The following VPS13D variants were observed in gnomAD, a reference collection of about 807,000 sequenced individuals.
VPS13D encodes intermembrane lipid transfer protein VPS13D.
VPS13D carries 187 observed loss-of-function variants against 461.9 expected under a neutral mutation model. The ratio of observed to expected loss-of-function variants is 0.40; its 90% CI spans 0.36 to 0.46. The LOEUF (loss-of-function observed/expected upper bound fraction) is 0.46. Ranked by LOEUF, VPS13D falls within the 20% of genes least tolerant of loss-of-function variation. The pLI is 0.60. For missense variants in VPS13D, 4,711 were observed against 5,364.9 expected, an observed-to-expected ratio of 0.88 and a Z score of 3.81; for synonymous variants, 1,951 against 1,986.3, an observed-to-expected ratio of 0.98 and a Z score of 0.47.
At chr1:12,271,971 C>T (rs1233245170) in intron 17 of VPS13D, among the ~76,000 whole-genome samples, 1 of 151,544 alleles carries the variant, frequency 6.6e-6, no homozygotes, top group African/African-American at 2.4e-5. Flanking sequence ...GTGGGATGAT[C>T]GTTTGAGCTC....
At chr1:12,243,765 A>C (rs1458759234) in intron 3 of VPS13D, among the ~76,000 whole-genome samples, 5 of 152,004 alleles carry the variant, frequency 3.3e-5, no homozygotes, top group African/African-American at 1.2e-4. Flanking sequence ...TTCTTTATTG[A>C]GAGAAGGCCA....
chr1:12,307,483 T>C (rs968385829), intron 26 of VPS13D, among the ~76,000 whole-genome samples: 1 of 151,998 alleles, frequency 6.6e-6, no homozygotes, highest in Admixed American at 6.6e-5. Flanking sequence ...TGGGGGAGTT[T>C]TACAGAAATA....
chr1:12,343,298 C>T (rs1643610458), intron 42 of VPS13D, among the ~76,000 whole-genome samples: 1 of 151,960 alleles, frequency 6.6e-6, no homozygotes, highest in Admixed American at 6.6e-5. Flanking sequence ...CTTCAGCCTC[C>T]TGAGTAGCTG....
In VPS13D at chr1:12,262,895, G is replaced by A. The variant is rs561444715; in HGVS notation, c.1594+815G>A. Among the ~76,000 whole-genome samples, 2 of 152,014 alleles carry A rather than the reference G, an allele frequency of 1.3e-5. 1 individual carries two copies. Among genetic ancestry groups the A allele is most frequent in the African/African-American group, 4.8e-5 (2 of 41,442 alleles). The stretch of plus-strand genomic sequence containing the variant: ...ATTTTTGTATTTTTAGTGGAGACAA[G>A]GTATCGCTACGTTGGCCAGGCTGGT... On this transcript the variant is annotated intron_variant, in intron 13 of 69. Coordinates refer to ENST00000620676, the MANE Select transcript of VPS13D (RefSeq NM_015378.4).
intron 67 of VPS13D, among the ~76,000 whole-genome samples, chr1:12,486,206 C>T (rs1312700048): frequency 6.6e-6 from 1 of 152,208 alleles, no homozygotes; most frequent in African/African-American, 2.4e-5. Flanking sequence ...AGAGGTGGCC[C>T]TGGCTTCTGA....
At position 12,356,469 on chromosome 1, in the gene VPS13D, G is replaced by T; in HGVS notation, c.9943G>T (p.Ala3315Ser). Reference protein sequence around the residue: ...AAGQFEEHELARSLSPLLFCY... With the variant: ...AAGQFEEHELSRSLSPLLFCY... ...AGGCCAGTTTGAGGAGCATGAGCTG[G>T]CCCGTAGCCTGAGTCCTCTCTTATT... The change falls in exon 49 of 70, where the codon GCC becomes TCC. Residue 3315 changes from alanine to serine, a missense_variant. Physicochemically the swap from Ala to Ser is moderately conservative, Grantham distance 99. Around this residue, in one of 3 missense-constraint regions of VPS13D, gnomAD observed 4,411 missense variants for 4,937.8 expected, o/e 0.89. Transcript: ENST00000620676. 1 of 1,614,110 alleles carries T rather than the reference G, an allele frequency of 6.2e-7. No individual in the cohort carries two copies. The highest frequency in any genetic ancestry group is 8.5e-7 in the Non-Finnish European group (1 of 1,180,020).
chr1:12,401,035 A>G (rs950216724), intron 61 of VPS13D, among the ~76,000 whole-genome samples: 4 of 151,300 alleles, frequency 2.6e-5, no homozygotes, highest in African/African-American at 4.9e-5. Context: ...AAGGGCTATG[A>G]TGGGTCTGAC....
At chr1:12,497,729 C>G (rs1645979775) in intron 68 of VPS13D, 98 bp downstream of exon 68, 1 of 1,408,778 alleles carries the variant, frequency 7.1e-7, no homozygotes, top group Admixed American at 2.4e-5. Flanking sequence ...ATTTTCATGA[C>G]TCTTGGACCT....
chr1:12,377,072 T>G (rs1419394905), intron 55 of VPS13D, among the ~76,000 whole-genome samples: 1 of 151,982 alleles, frequency 6.6e-6, no homozygotes, highest in South Asian at 2.1e-4. Flanking sequence ...TCTTTTTTTT[T>G]TTTTGAGACG....
intron 25 of VPS13D, among the ~76,000 whole-genome samples, chr1:12,302,609 T>C (rs1642455181): frequency 6.6e-6 from 1 of 152,346 alleles, no homozygotes; most frequent in Admixed American, 6.5e-5. Context: ...GCGCTTTTTC[T>C]TCAAGGTATA....
chr1:12,506,822 G>A lies in VPS13D; in HGVS notation c.12795-31G>A, dbSNP rs1225739826. ...CCTGATGCTGGGCGAAGCCCCAGGTGTCACTCCTGTGTTCCCGTCTCGCTT... is the reference window on the plus strand; with the variant it reads ...CCTGATGCTGGGCGAAGCCCCAGGTATCACTCCTGTGTTCCCGTCTCGCTT... On this transcript the variant is annotated intron_variant, in intron 68 of 69. Transcript: ENST00000620676. The A allele has an allele frequency of 4.4e-6, 7 of 1,605,504 alleles. No individual in the cohort carries two copies. In the African/African-American group the frequency reaches 5.3e-5, roughly 12 times the overall value.
intron 21 of VPS13D, among the ~76,000 whole-genome samples, chr1:12,285,572 G>A (rs552419021): frequency 1.3e-5 from 2 of 152,244 alleles, no homozygotes; most frequent in African/African-American, 4.8e-5. Context: ...TTACAGGAGT[G>A]AGCCACTGCG....
At chr1:12,357,107 T>C (rs774877537) in intron 49 of VPS13D, among the ~76,000 whole-genome samples, 36 of 152,270 alleles carry the variant, frequency 2.4e-4, no homozygotes, top group Non-Finnish European at 4.1e-4. Context: ...ACTTTTGTTC[T>C]TGGTTTTGAC....
chr1:12,338,353 A>G, intron 40 of VPS13D, 48 bp downstream of exon 40: 3 of 1,566,742 alleles, frequency 1.9e-6, no homozygotes, highest in Non-Finnish European at 2.6e-6. Flanking sequence ...TGTTTTAAGA[A>G]CTTCCTTGTA....
intron 46 of VPS13D, among the ~76,000 whole-genome samples, 153 bp from the exon 47 acceptor site, chr1:12,353,821 T>C (rs778214092): frequency 1.3e-5 from 2 of 152,200 alleles, no homozygotes; most frequent in Non-Finnish European, 2.9e-5. Context: ...TTATTGTGCA[T>C]TTATATCTTA....
chr1:12,310,094 C>G (rs1047304701), intron 27 of VPS13D, among the ~76,000 whole-genome samples: 4 of 150,772 alleles, frequency 2.7e-5, no homozygotes, highest in African/African-American at 9.8e-5. Context: ...CAATGCTTTC[C>G]AAAAAACAAA....
At chr1:12,327,912 A>G in intron 36 of VPS13D, 58 bp downstream of exon 36, 1 of 1,499,746 alleles carries the variant, frequency 6.7e-7, no homozygotes, top group Admixed American at 2.2e-5. Flanking sequence ...TTGCTGAATT[A>G]TTTGGGGCCT....
chr1:12,486,635 T>C (rs1490409890), intron 67 of VPS13D, among the ~76,000 whole-genome samples: 1 of 152,218 alleles, frequency 6.6e-6, no homozygotes, highest in Non-Finnish European at 1.5e-5. Flanking sequence ...AACTTTCTAG[T>C]GTCCCCCCCA....
chr1:12,381,922 TTTTCTTTCTTTC>T (rs35247625), intron 57 of VPS13D, among the ~76,000 whole-genome samples: 2,481 of 101,098 alleles, frequency 0.025, 37 homozygotes, highest in East Asian at 0.033. Context: ...CTTTCTTTTC[TTTTCTTTCTTTC>T]TTTCTTTCTT....
Sources: allele counts gnomAD v4.1 joint callset (sites outside exome capture counted in the v4.1 genomes callset), GRCh38; gene constraint gnomAD v4.1.1; regional missense constraint gnomAD v4.1.1; transcripts MANE v1.5; gene names NCBI Gene and HGNC (gene_info 2026-07-23, HGNC 2026-07-21).